The following SLC16A7 variants were observed in gnomAD, a reference collection of about 807,000 sequenced individuals.
SLC16A7 encodes solute carrier family 16 member 7.
SLC16A7 carries 33 observed loss-of-function variants against 34.9 expected under a neutral mutation model. The observed-to-expected ratio is 0.94, with a 90% CI of 0.72 to 1.26. SLC16A7 has a LOEUF of 1.26. Ranked by LOEUF, SLC16A7 falls within the 50% of genes most tolerant of loss-of-function variation. SLC16A7 has a pLI of 0.00. For missense variants in SLC16A7, 573 were observed against 578.1 expected (o/e 0.99, Z 0.09); for synonymous variants, 201 against 206.6 (o/e 0.97, Z 0.23).
At chr12:59,606,219 T>C (rs1174673338) in intron 1 of SLC16A7, among the ~76,000 whole-genome samples, 1 of 152,194 alleles carries the variant, frequency 6.6e-6, no homozygotes, top group Non-Finnish European at 1.5e-5. Context: ...TTCTGGCACA[T>C]ATATGAGGAG....
In SLC16A7 at chr12:59,782,262, G is replaced by C. The variant is rs2137496087; in HGVS notation, c.*2583G>C. On this transcript the variant is annotated 3_prime_UTR_variant, in exon 6 of 6. Transcript: ENST00000547379. ...GTGACATAAATACCTACAGGATTCA[G>C]AATTGTTCCAGGGTAATATAAATTA... 1 of 152,278 alleles carries C rather than the reference G, an allele frequency of 6.6e-6. No homozygotes were observed. Among genetic ancestry groups the C allele is most frequent in the African/African-American group, 2.4e-5 (1 of 41,560 alleles). 9.4% of individuals were successfully genotyped at this position (152,278 alleles called of 1,614,324 possible).
intron 3 of SLC16A7, among the ~76,000 whole-genome samples, chr12:59,708,784 A>G (rs1430369930): frequency 1.3e-5 from 2 of 151,656 alleles, no homozygotes. Flanking sequence ...GTAGCAAGGT[A>G]TTATCTTCCC....
At chr12:59,625,077 G>A (rs775678131) in intron 1 of SLC16A7, among the ~76,000 whole-genome samples, 4 of 151,724 alleles carry the variant, frequency 2.6e-5, no homozygotes, top group Admixed American at 6.6e-5. Flanking sequence ...CCTACTGTAT[G>A]TACACTTTTT....
intron 3 of SLC16A7, among the ~76,000 whole-genome samples, chr12:59,761,749 G>A (rs1048360504): frequency 1.3e-5 from 2 of 152,052 alleles, no homozygotes; most frequent in Non-Finnish European, 2.9e-5. Context: ...TTCCTTGGAA[G>A]TGACAATGCC....
At chr12:59,749,607 A>G (rs1266359846) in intron 3 of SLC16A7, among the ~76,000 whole-genome samples, 1 of 152,176 alleles carries the variant, frequency 6.6e-6, no homozygotes, top group Non-Finnish European at 1.5e-5. Flanking sequence ...GAACCTCTAT[A>G]TAGAGAGTAT....
Position 59,775,032 on chromosome 12 carries a change from G to C in SLC16A7, c.737G>C (p.Gly246Ala). Residue 246 changes from glycine to alanine, a missense_variant, in exon 5 of 6, where the codon GGA becomes GCA. Physicochemically the swap from Gly to Ala is moderately conservative, Grantham distance 60. Coordinates refer to ENST00000547379, the MANE Select transcript of SLC16A7 (RefSeq NM_001270623.2). ...GATTTCTCCCTTTTTAAGCATAGAGGATTTCTGATATATCTGTCTGGAAAT... is the reference window on the plus strand; with the variant it reads ...GATTTCTCCCTTTTTAAGCATAGAGCATTTCTGATATATCTGTCTGGAAAT... ...YLDFSLFKHRGFLIYLSGNVI... is the reference protein window; with the variant it reads ...YLDFSLFKHRAFLIYLSGNVI... 6.2e-7 allele frequency: 1 copy of C among 1,613,976 alleles called. No homozygotes were observed. The highest frequency in any genetic ancestry group is 8.5e-7 in the Non-Finnish European group (1 of 1,179,956).
intron 3 of SLC16A7, chr12:59,736,031 T>TA: frequency 1.9e-6 from 1 of 515,340 alleles, no homozygotes; most frequent in South Asian, 2.0e-5. Context: ...TGTATGGTTT[T>TA]AATAAGAACT....
intron 1 of SLC16A7, among the ~76,000 whole-genome samples, chr12:59,634,333 T>A (rs1007418057): frequency 3.3e-5 from 5 of 152,136 alleles, no homozygotes; most frequent in Non-Finnish European, 5.9e-5. Flanking sequence ...AGAAAAAAAA[T>A]TATTCAATAT....
intron 2 of SLC16A7, among the ~76,000 whole-genome samples, chr12:59,703,700 C>A (rs1442388979): frequency 6.6e-6 from 1 of 152,012 alleles, no homozygotes; most frequent in Non-Finnish European, 1.5e-5. Context: ...CAGCCTTGAA[C>A]TACTGGGTGA....
At chr12:59,662,176 T>C (rs1407915833) in intron 2 of SLC16A7, among the ~76,000 whole-genome samples, 2 of 152,128 alleles carry the variant, frequency 1.3e-5, no homozygotes, top group Non-Finnish European at 1.5e-5. Flanking sequence ...CACTTTTTAT[T>C]CAGATGAAAA....
At chr12:59,614,912 A>C (rs1879375041) in intron 1 of SLC16A7, among the ~76,000 whole-genome samples, 1 of 149,648 alleles carries the variant, frequency 6.7e-6, no homozygotes, top group South Asian at 2.1e-4. Context: ...CTGAGGCAGG[A>C]GAATCACTTG....
intron 1 of SLC16A7, among the ~76,000 whole-genome samples, chr12:59,619,998 A>T (rs548571005): frequency 6.6e-6 from 1 of 152,124 alleles, no homozygotes; most frequent in East Asian, 1.9e-4. Context: ...GGTGTTTGAG[A>T]CTAGACATTC....
intron 1 of SLC16A7, among the ~76,000 whole-genome samples, chr12:59,646,287 C>G (rs376572588): frequency 6.6e-6 from 1 of 152,112 alleles, no homozygotes; most frequent in Non-Finnish European, 1.5e-5. Context: ...GGGCCCAGGG[C>G]CCCCCTGCTG....
rs914730485 is a variant in SLC16A7 at position 59,628,014 on chromosome 12, A to G, written c.-129-27138A>G. On this transcript the variant is annotated intron_variant, in intron 1 of 5. Coordinates refer to ENST00000547379, the MANE Select transcript of SLC16A7 (RefSeq NM_001270623.2). ...TTGACATTTCTTACTATCACATGTA[A>G]ATTTTCACTAAACCCTTAAGACTCT... is the stretch of plus-strand genomic sequence containing the variant. 4.6e-5 allele frequency among the ~76,000 whole-genome samples: 7 copies of G among 151,738 alleles called. No homozygotes were observed. The East Asian group carries it at 1.4e-3, about 29-fold the overall frequency.
intron 2 of SLC16A7, among the ~76,000 whole-genome samples, chr12:59,686,534 A>G (rs1317506386): frequency 6.6e-6 from 1 of 152,126 alleles, no homozygotes; most frequent in African/African-American, 2.4e-5. Context: ...CATTTCCAAC[A>G]GTCGCTTTTC....
At chr12:59,603,166 C>T (rs1382461385) in intron 1 of SLC16A7, among the ~76,000 whole-genome samples, 3 of 152,164 alleles carry the variant, frequency 2.0e-5, no homozygotes, top group African/African-American at 7.2e-5. Flanking sequence ...GTGCTTTTGA[C>T]ATACTACCTA....
intron 1 of SLC16A7, among the ~76,000 whole-genome samples, chr12:59,623,952 GT>G (rs933518640): frequency 2.0e-5 from 3 of 151,154 alleles, no homozygotes; most frequent in African/African-American, 4.8e-5. Context: ...TTATTTTATA[GT>G]TTTTTTCTGT....
chr12:59,733,294 A>G (rs1877172313), intron 3 of SLC16A7, among the ~76,000 whole-genome samples: 2 of 152,162 alleles, frequency 1.3e-5, no homozygotes, highest in African/African-American at 2.4e-5. Flanking sequence ...AAGGGTGAGC[A>G]AGGTGCAAAG....
intron 3 of SLC16A7, 104 bp from the exon 4 acceptor site, chr12:59,771,115 C>T: frequency 9.4e-7 from 1 of 1,064,734 alleles, no homozygotes; most frequent in Non-Finnish European, 1.4e-6. Context: ...TCTCCTCTGA[C>T]CATTAAAATG....
Sources: allele counts gnomAD v4.1 joint callset (sites outside exome capture counted in the v4.1 genomes callset), GRCh38; gene constraint gnomAD v4.1.1; transcripts MANE v1.5; gene names NCBI Gene and HGNC (gene_info 2026-07-23, HGNC 2026-07-21).